FRMPD4: variants seen among roughly 807,000 people sequenced by gnomAD.
The protein encoded by FRMPD4 is FERM and PDZ domain containing 4.
Under a neutral mutation model 94.1 loss-of-function variants are expected in FRMPD4, and 22 were observed. The observed-to-expected ratio is 0.23, with a 90% CI of 0.17 to 0.33. The LOEUF is 0.33. FRMPD4 is among the 10% of genes least tolerant of loss of function. The pLI is 1.00. For synonymous variants in FRMPD4, 631 were observed against 548.6 expected, an observed-to-expected ratio of 1.15 and a Z score of -2.10; for missense variants, 1,111 against 1,339.9, an observed-to-expected ratio of 0.83 and a Z score of 2.67.
intron 1 of FRMPD4, among the ~76,000 whole-genome samples, chrX:12,245,709 G>A (rs755576799): frequency 5.5e-5 from 6 of 109,573 alleles, no homozygotes; most frequent in South Asian, 8.1e-4. Flanking sequence ...GTTATCATGG[G>A]TGTGGCTAGT....
chrX:12,420,005 T>G (rs2056861623), intron 1 of FRMPD4, among the ~76,000 whole-genome samples: 1 of 111,681 alleles, frequency 9.0e-6, no homozygotes, highest in Non-Finnish European at 1.9e-5. Flanking sequence ...CAGATCTTTC[T>G]GCCAATCTTC....
intron 3 of FRMPD4, among the ~76,000 whole-genome samples, chrX:11,883,809 G>A (rs1202673344): frequency 1.8e-5 from 2 of 112,117 alleles, no homozygotes; most frequent in African/African-American, 6.5e-5. Context: ...CACTGGGTTG[G>A]AATGACATAG....
At chrX:12,567,598 G>T (rs768117107) in intron 2 of FRMPD4, among the ~76,000 whole-genome samples, 86 of 111,939 alleles carry the variant, frequency 7.7e-4, no homozygotes, top group Non-Finnish European at 1.4e-3. Context: ...GAAATAGTTG[G>T]GTAGATGGGG....
At chrX:11,996,863 T>C (rs1045156907) in intron 3 of FRMPD4, among the ~76,000 whole-genome samples, 3 of 111,940 alleles carry the variant, frequency 2.7e-5, no homozygotes, top group Non-Finnish European at 5.6e-5. Context: ...TATGCATATA[T>C]ACAAAATCAG....
intron 3 of FRMPD4, among the ~76,000 whole-genome samples, chrX:11,987,233 G>T (rs749975062): frequency 1.8e-5 from 2 of 109,684 alleles, no homozygotes; most frequent in East Asian, 5.6e-4. Context: ...ATCATCAGGT[G>T]GGATATATTG....
intron 1 of FRMPD4, among the ~76,000 whole-genome samples, chrX:12,481,966 A>AAG (rs2057690939): frequency 1.0e-5 from 1 of 100,044 alleles, no homozygotes; most frequent in Non-Finnish European, 2.0e-5. Context: ...AAAAAAAAAA[A>AAG]AAAAAGAAAG....
At chrX:11,874,068 C>G (rs2053769778) in intron 2 of FRMPD4, among the ~76,000 whole-genome samples, 1 of 111,983 alleles carries the variant, frequency 8.9e-6, no homozygotes, top group South Asian at 3.7e-4. Context: ...AAAAACAAAA[C>G]AGGATGGTTG....
chrX:12,258,110 T>C (rs1054674302), intron 1 of FRMPD4, among the ~76,000 whole-genome samples: 3 of 110,889 alleles, frequency 2.7e-5, no homozygotes, highest in Non-Finnish European at 5.7e-5. Context: ...GTGAAATACT[T>C]TTAATCCAAT....
chrX:12,400,683 G>A (rs761813312), intron 1 of FRMPD4, among the ~76,000 whole-genome samples: 15 of 111,969 alleles, frequency 1.3e-4, no homozygotes, highest in Non-Finnish European at 2.3e-4. Flanking sequence ...GTCTAGCTTG[G>A]CTTTCAAACA....
intron 1 of FRMPD4, among the ~76,000 whole-genome samples, chrX:12,493,262 A>T (rs1185381196): frequency 9.0e-6 from 1 of 111,229 alleles, no homozygotes; most frequent in African/African-American, 3.3e-5. Flanking sequence ...AGGTATCTGT[A>T]GGGTTTGGGG....
intron 3 of FRMPD4, among the ~76,000 whole-genome samples, chrX:12,016,088 A>G (rs1389870291): frequency 8.9e-6 from 1 of 112,346 alleles, no homozygotes; most frequent in Non-Finnish European, 1.9e-5. Context: ...GTTGCATTCC[A>G]TTGGATTCTA....
chrX:12,041,407 C>T (rs1030478248), intron 3 of FRMPD4, among the ~76,000 whole-genome samples: 15 of 112,035 alleles, frequency 1.3e-4, no homozygotes, highest in Non-Finnish European at 2.6e-4. Flanking sequence ...ATTTCATCTT[C>T]ATTTATAAAG....
At chrX:12,142,369 C>A (rs897454362) in intron 1 of FRMPD4, among the ~76,000 whole-genome samples, 16 of 111,649 alleles carry the variant, frequency 1.4e-4, no homozygotes, top group Admixed American at 1.4e-3. Flanking sequence ...AAACTTCTGT[C>A]TTTTACCTTT....
intron 11 of FRMPD4, among the ~76,000 whole-genome samples, chrX:12,706,298 C>T (rs910251517): frequency 1.8e-5 from 2 of 111,746 alleles, no homozygotes; most frequent in African/African-American, 6.5e-5. Context: ...TCATTTCCCC[C>T]GAAAACTTGC....
chrX:11,911,859 G>A (rs939470652), intron 3 of FRMPD4, among the ~76,000 whole-genome samples: 1 of 112,115 alleles, frequency 8.9e-6, no homozygotes. Flanking sequence ...TAACCAAGGT[G>A]AGCCAAAGTG....
intron 3 of FRMPD4, among the ~76,000 whole-genome samples, chrX:12,106,574 C>T (rs986430140): frequency 5.4e-5 from 6 of 111,240 alleles, no homozygotes; most frequent in Non-Finnish European, 1.1e-4. Flanking sequence ...TGGGTGCAGC[C>T]CACCGAGCAT....
chrX:12,118,492 G>A (rs968372693), intron 3 of FRMPD4, among the ~76,000 whole-genome samples: 4 of 112,257 alleles, frequency 3.6e-5, no homozygotes, highest in Non-Finnish European at 7.5e-5. Context: ...AGTCACCGTT[G>A]GGGCACTGTC....
intron 3 of FRMPD4, among the ~76,000 whole-genome samples, chrX:12,082,478 T>C (rs1401663963): frequency 8.9e-6 from 1 of 111,905 alleles, no homozygotes; most frequent in East Asian, 2.8e-4. Context: ...GTTCCCAGTT[T>C]TGGGGATGTC....
intron 3 of FRMPD4, among the ~76,000 whole-genome samples, chrX:12,086,089 A>ATGTGTG (rs766015576): frequency 2.5e-3 from 155 of 62,705 alleles, no homozygotes; most frequent in South Asian, 8.2e-3. Context: ...GTGTGTGTGT[A>ATGTGTG]TGTGTGTGTG....
Sources: allele counts gnomAD v4.1 joint callset (sites outside exome capture counted in the v4.1 genomes callset), GRCh38; gene constraint gnomAD v4.1.1; transcripts MANE v1.5; gene names NCBI Gene and HGNC (gene_info 2026-07-23, HGNC 2026-07-21).